BTAF1: variants seen among roughly 807,000 people sequenced by gnomAD.
The protein encoded by BTAF1 is TATA-binding protein-associated factor 172.
Under a neutral mutation model 227.1 loss-of-function variants are expected in BTAF1, and 38 were observed. The observed-to-expected ratio is 0.17, with a 90% CI of 0.13 to 0.22. The LOEUF is 0.22. Ranked by LOEUF, BTAF1 falls within the 10% of genes least tolerant of loss-of-function variation. The pLI is 1.00. For synonymous variants in BTAF1, 742 were observed against 751.9 expected (o/e 0.99, Z 0.21); for missense variants, 1,598 against 2,204.0 (o/e 0.73, Z 5.51).
At chr10:91,973,137 T>C (rs1333355556) in intron 14 of BTAF1, among the ~76,000 whole-genome samples, 2 of 152,350 alleles carry the variant, frequency 1.3e-5, no homozygotes, top group East Asian at 3.9e-4. Flanking sequence ...AGCAATCCTT[T>C]ATGGAAGCAA....
Position 91,992,119 on chromosome 10 carries a change from G to T in BTAF1, c.2855G>T (p.Gly952Val), listed in dbSNP as rs1176437384. ...PTQSGQENSK[G>V]STSEKDGMHH... ...GGTTGTTTAACTTTTTTCTTATTAG[G>T]ATCCACCTCAGAAAAAGATGGAATG... Residue 952 changes from glycine (G) to valine (V), a missense_variant and splice_region_variant, in exon 21 of 38, where the codon GGA becomes GTA. By Grantham distance (109) the Gly-to-Val change is moderately radical. Coordinates refer to ENST00000265990, the MANE Select transcript of BTAF1 (RefSeq NM_003972.3). The T allele has an allele frequency of 6.4e-7, 1 of 1,558,348 alleles. No homozygotes were observed. Among genetic ancestry groups the T allele is most frequent in the Non-Finnish European group, 8.7e-7 (1 of 1,149,814 alleles).
Position 92,021,345 on chromosome 10 carries a change from C to T in BTAF1, c.4863+2410C>T, listed in dbSNP as rs147498429. Among the ~76,000 whole-genome samples, 121 of 152,184 alleles carry T rather than the reference C, an allele frequency of 8.0e-4. No homozygotes were observed. The East Asian group carries it at 0.02, about 25-fold the overall frequency. ...TTAGGTGTATTTTGACTATGTGAGA[C>T]TTAGCAAATATTTTATATGAGGCAA... is the stretch of plus-strand genomic sequence containing the variant. On this transcript the variant is annotated intron_variant, in intron 34 of 37. Transcript: ENST00000265990.
At chr10:91,933,517 A>T (rs975789665) in intron 1 of BTAF1, among the ~76,000 whole-genome samples, 1 of 152,208 alleles carries the variant, frequency 6.6e-6, no homozygotes, top group African/African-American at 2.4e-5. Context: ...GAACTAAGGA[A>T]AGAAGAGTTT....
Position 91,982,353 on chromosome 10 carries a change from C to T in BTAF1, c.2048+128C>T, listed in dbSNP as rs1275769070. On this transcript the variant is annotated intron_variant, in intron 17 of 37. Transcript: ENST00000265990. ...CTTCCTTCATCACACTAATTATAGC[C>T]TAAGGAAAAATTAGAGTAAGCAAAT... The T allele has an allele frequency of 1.4e-5, 19 of 1,311,040 alleles. No individual in the cohort carries two copies. In the South Asian group the frequency reaches 2.8e-4, roughly 19 times the overall value. The allele number at this position is 1,311,040 out of a possible 1,614,324, so 81.2% of individuals were successfully genotyped here.
chr10:92,019,283 A>T (rs1850953018), intron 34 of BTAF1, among the ~76,000 whole-genome samples: 1 of 152,082 alleles, frequency 6.6e-6, no homozygotes, highest in Non-Finnish European at 1.5e-5. Flanking sequence ...TCTCTAATCT[A>T]CTTTCTCTAT....
intron 2 of BTAF1, among the ~76,000 whole-genome samples, chr10:91,936,212 G>A (rs1165012084): frequency 6.6e-6 from 1 of 152,108 alleles, no homozygotes; most frequent in Non-Finnish European, 1.5e-5. Flanking sequence ...GTGTATCAGT[G>A]TTTTCATAAT....
chr10:91,943,398 T>C (rs543439121), intron 4 of BTAF1, among the ~76,000 whole-genome samples: 27 of 152,226 alleles, frequency 1.8e-4, no homozygotes, highest in Non-Finnish European at 3.5e-4. Flanking sequence ...AATTACTGTT[T>C]TGGCGATTCA....
intron 2 of BTAF1, 114 bp downstream of exon 2, chr10:91,935,894 CTT>C: frequency 1.3e-5 from 11 of 866,100 alleles, no homozygotes; most frequent in Admixed American, 8.7e-5. Flanking sequence ...TTTGCTATTT[CTT>C]TTTTTTTTCT....
At chr10:91,991,791 GTGTGTGTATATATATATATATATATA>G (rs1241012127) in intron 20 of BTAF1, among the ~76,000 whole-genome samples, 83 of 68,474 alleles carry the variant, frequency 1.2e-3, no homozygotes, top group African/African-American at 8.8e-3. Context: ...GTGTGTGTGT[GTGTGTGTATATATATATATATATATA>G]TATATATATA....
intron 34 of BTAF1, among the ~76,000 whole-genome samples, chr10:92,019,720 T>C (rs1408657436): frequency 6.6e-6 from 1 of 152,238 alleles, no homozygotes; most frequent in Non-Finnish European, 1.5e-5. Flanking sequence ...TGATAACTCC[T>C]TGTGGATTTG....
At chr10:92,001,985 T>TATAC (rs1491424232) in intron 25 of BTAF1, among the ~76,000 whole-genome samples, 98 of 73,370 alleles carry the variant, frequency 1.3e-3, no homozygotes, top group African/African-American at 4.0e-3. Flanking sequence ...TATATATATA[T>TATAC]ACACACACAC....
intron 21 of BTAF1, 145 bp downstream of exon 21, chr10:91,992,454 C>A: frequency 1.3e-6 from 1 of 766,448 alleles, no homozygotes; most frequent in Non-Finnish European, 2.0e-6. Context: ...ACAATATGAT[C>A]CAGAAAAACG....
At chr10:91,944,044 TG>T (rs1845196829) in intron 4 of BTAF1, among the ~76,000 whole-genome samples, 1 of 151,802 alleles carries the variant, frequency 6.6e-6, no homozygotes, top group African/African-American at 2.4e-5. Flanking sequence ...CCAGCTACTC[TG>T]GAGGCTGAGA....
chr10:91,942,052 G>A (rs1187801125), intron 3 of BTAF1, among the ~76,000 whole-genome samples: 1 of 152,158 alleles, frequency 6.6e-6, no homozygotes, highest in East Asian at 1.9e-4. Flanking sequence ...AGGCAGGAGG[G>A]GATTGCCTGA....
In BTAF1 at chr10:91,953,723, T is replaced by C; in HGVS notation, c.565-14T>C. The stretch of plus-strand genomic sequence containing the variant: ...TTTCAAAAGTTCCAACTCAGCATTC[T>C]TTTATTCTTTTAGACTCTTCAGGCA... On this transcript the variant is annotated splice_polypyrimidine_tract_variant and intron_variant, in intron 5 of 37. Transcript: ENST00000265990. 6.2e-7 allele frequency: 1 copy of C among 1,607,826 alleles called. No individual in the cohort carries two copies. The highest frequency in any genetic ancestry group is 8.5e-7 in the Non-Finnish European group (1 of 1,178,324).
intron 26 of BTAF1, 78 bp from the exon 27 acceptor site, chr10:92,008,751 G>T: frequency 1.5e-6 from 2 of 1,341,148 alleles, no homozygotes; most frequent in Non-Finnish European, 1.0e-6. Flanking sequence ...TTGTGCAAAC[G>T]TTGTTTATAA....
chr10:91,929,544 C>A (rs1159124212), intron 1 of BTAF1, among the ~76,000 whole-genome samples: 1 of 152,278 alleles, frequency 6.6e-6, no homozygotes, highest in East Asian at 1.9e-4. Context: ...ACTGTTGATA[C>A]TTCAGAGCAA....
At chr10:91,965,707 C>T (rs1589827692) in intron 13 of BTAF1, among the ~76,000 whole-genome samples, 1 of 152,256 alleles carries the variant, frequency 6.6e-6, no homozygotes, top group East Asian at 1.9e-4. Flanking sequence ...AGACATTTAA[C>T]AAGACTTTGT....
At chr10:92,027,083 C>T in intron 36 of BTAF1, 47 bp from the exon 37 acceptor site, 24 of 1,561,142 alleles carry the variant, frequency 1.5e-5, no homozygotes, top group Non-Finnish European at 2.1e-5. Context: ...GTTGGAACCT[C>T]AAAGCATAAT....
Sources: gnomAD v4.1 joint callset for allele counts (sites outside exome capture counted in the v4.1 genomes callset) on GRCh38, gnomAD v4.1.1 for gene constraint, MANE v1.5 for transcripts, NCBI Gene and HGNC (gene_info 2026-07-23, HGNC 2026-07-21) for gene names.